DLG2: variants seen among roughly 807,000 people sequenced by gnomAD.
The protein encoded by DLG2 is discs large MAGUK scaffold protein 2, also known as disks large homolog 2.
In DLG2, 45 loss-of-function variants were observed where a neutral mutation model predicts 132.5. That is an observed-to-expected ratio of 0.34 (90% CI 0.27 to 0.44). The LOEUF (loss-of-function observed/expected upper bound fraction) is 0.44, where lower values mean the gene tolerates loss of function less well. DLG2 is among the 20% of genes least tolerant of loss of function. DLG2 has a pLI of 1.00. For missense variants in DLG2, 1,045 were observed against 1,196.9 expected (o/e 0.87, Z 1.87); for synonymous variants, 424 against 419.6 (o/e 1.01, Z -0.13).
At chr11:83,924,531 A>T (rs1263747104) in intron 15 of DLG2, among the ~76,000 whole-genome samples, 2 of 152,178 alleles carry the variant, frequency 1.3e-5, no homozygotes, top group African/African-American at 4.8e-5. Context: ...TTAGATCTCT[A>T]TAAAAATACA....
At chr11:84,597,213 C>G (rs1397378625) in intron 6 of DLG2, among the ~76,000 whole-genome samples, 2 of 151,828 alleles carry the variant, frequency 1.3e-5, no homozygotes, top group East Asian at 1.9e-4. Context: ...GATCGAGACT[C>G]TGTCTCAAAA....
intron 5 of DLG2, among the ~76,000 whole-genome samples, chr11:85,134,270 T>A (rs2075976364): frequency 6.6e-6 from 1 of 150,962 alleles, no homozygotes; most frequent in Non-Finnish European, 1.5e-5. Context: ...TTTTTTTTCA[T>A]AAAAAGTATA....
intron 6 of DLG2, among the ~76,000 whole-genome samples, chr11:84,846,057 T>A (rs564117281): frequency 6.6e-6 from 1 of 152,096 alleles, no homozygotes; most frequent in African/African-American, 2.4e-5. Context: ...CCTTTAAAAG[T>A]TGGAGTTTTC....
intron 4 of DLG2, among the ~76,000 whole-genome samples, chr11:85,195,599 C>T (rs1243585287): frequency 6.6e-6 from 1 of 150,798 alleles, no homozygotes; most frequent in Admixed American, 6.6e-5. Context: ...TCTCGGCTCA[C>T]TGCAAGCTCC....
intron 7 of DLG2, among the ~76,000 whole-genome samples, chr11:84,337,707 A>G (rs1238574549): frequency 1.3e-5 from 2 of 152,154 alleles, no homozygotes; most frequent in Admixed American, 1.3e-4. Context: ...TATTCCTTGT[A>G]TCTTCTTATC....
intron 6 of DLG2, among the ~76,000 whole-genome samples, chr11:85,072,794 A>G (rs935571551): frequency 2.6e-5 from 4 of 151,868 alleles, no homozygotes; most frequent in African/African-American, 9.7e-5. Context: ...TGTCTTTAGC[A>G]ACATATCGGT....
At chr11:83,743,659 C>A (rs961040359) in intron 18 of DLG2, among the ~76,000 whole-genome samples, 1 of 152,006 alleles carries the variant, frequency 6.6e-6, no homozygotes, top group African/African-American at 2.4e-5. Context: ...GTCTTAAACT[C>A]CTGAGCTCAA....
chr11:83,986,010 T>C (rs1221997812), intron 11 of DLG2, among the ~76,000 whole-genome samples: 1 of 152,050 alleles, frequency 6.6e-6, no homozygotes, highest in Non-Finnish European at 1.5e-5. Flanking sequence ...ACCTCACCAG[T>C]GTCTGTTGTT....
intron 3 of DLG2, among the ~76,000 whole-genome samples, chr11:85,513,223 GA>G (rs1300148547): frequency 6.6e-6 from 1 of 151,766 alleles, no homozygotes; most frequent in Non-Finnish European, 1.5e-5. Flanking sequence ...AGAAAGTGTT[GA>G]AAAACTACTT....
At chr11:85,581,065 G>T (rs981687271) in intron 3 of DLG2, among the ~76,000 whole-genome samples, 5 of 152,130 alleles carry the variant, frequency 3.3e-5, no homozygotes, top group African/African-American at 1.2e-4. Flanking sequence ...AGAAATAGGG[G>T]TTGGGATGTT....
At chr11:83,837,898 G>C (rs1015071647) in intron 16 of DLG2, among the ~76,000 whole-genome samples, 11 of 151,980 alleles carry the variant, frequency 7.2e-5, no homozygotes, top group African/African-American at 2.7e-4. Flanking sequence ...TAAGAGGGTG[G>C]ATTAGAGAGA....
At position 83,471,675 on chromosome 11, in the gene DLG2, A is replaced by G; in HGVS notation, c.2397T>C (p.Asn799=). ...CAGGGAATTCAGATATCAAGTCGTCATTGATCCGATCCTTCATGGGCCCCA... is the reference window on the plus strand; with the variant it reads ...CAGGGAATTCAGATATCAAGTCGTCGTTGATCCGATCCTTCATGGGCCCCA... ...IILGPMKDRI[N]DDLISEFPDK... The change falls in exon 24 of 28, where the codon AAT becomes AAC. Residue 799 remains asparagine (N), a synonymous_variant. Coordinates refer to ENST00000376104, the MANE Select transcript of DLG2 (RefSeq NM_001142699.3). 1.2e-6 allele frequency: 2 copies of G among 1,613,246 alleles called. No individual in the cohort carries two copies. The highest frequency in any genetic ancestry group is 2.2e-5 in the East Asian group (1 of 44,870).
At chr11:85,087,871 A>C (rs1385748856) in intron 6 of DLG2, among the ~76,000 whole-genome samples, 2 of 147,106 alleles carry the variant, frequency 1.4e-5, no homozygotes, top group Non-Finnish European at 1.5e-5. Context: ...AAAAAAAAAC[A>C]GATCATGGAG....
intron 11 of DLG2, among the ~76,000 whole-genome samples, chr11:84,056,931 G>A (rs546078462): frequency 6.6e-6 from 1 of 152,138 alleles, no homozygotes; most frequent in Non-Finnish European, 1.5e-5. Flanking sequence ...AATTTCGCAA[G>A]AGCCTGCTTT....
At chr11:84,598,710 G>C (rs1321342706) in intron 6 of DLG2, among the ~76,000 whole-genome samples, 1 of 151,536 alleles carries the variant, frequency 6.6e-6, no homozygotes, top group Non-Finnish European at 1.5e-5. Flanking sequence ...AGGATTGCTT[G>C]AGCCCAGTAA....
intron 14 of DLG2, among the ~76,000 whole-genome samples, chr11:83,943,654 T>G (rs1416981733): frequency 6.6e-6 from 1 of 152,118 alleles, no homozygotes; most frequent in Non-Finnish European, 1.5e-5. Context: ...GGGGAAATTA[T>G]GTGCTAGCTA....
At chr11:84,234,190 C>T (rs1314998680) in intron 8 of DLG2, among the ~76,000 whole-genome samples, 2 of 152,154 alleles carry the variant, frequency 1.3e-5, no homozygotes, top group Non-Finnish European at 1.5e-5. Context: ...TGAAAGGATG[C>T]CAACAACATA....
chr11:84,565,960 GT>G (rs748005006), intron 6 of DLG2, among the ~76,000 whole-genome samples: 118 of 139,442 alleles, frequency 8.5e-4, no homozygotes, highest in East Asian at 4.4e-3. Context: ...ATATGATGAA[GT>G]TTTTTTTTTT....
At chr11:84,860,067 C>G (rs1329684984) in intron 6 of DLG2, among the ~76,000 whole-genome samples, 1 of 152,108 alleles carries the variant, frequency 6.6e-6, no homozygotes, top group Admixed American at 6.6e-5. Flanking sequence ...TTAATCTTGG[C>G]ATCCCCAGGA....
Sources: gnomAD v4.1 joint callset for allele counts (sites outside exome capture counted in the v4.1 genomes callset) on GRCh38, gnomAD v4.1.1 for gene constraint, MANE v1.5 for transcripts, NCBI Gene and HGNC (gene_info 2026-07-23, HGNC 2026-07-21) for gene names.